The following RBM39 variants were observed in gnomAD, a reference collection of about 807,000 sequenced individuals.
RBM39 encodes the protein RNA binding motif protein 39.
In RBM39, 12 loss-of-function variants were observed where a neutral mutation model predicts 79.6. That is an observed-to-expected ratio of 0.15 (90% CI 0.10 to 0.24). The LOEUF is 0.24. Ranked by LOEUF, RBM39 falls within the 10% of genes least tolerant of loss-of-function variation. RBM39 has a pLI of 1.00. For synonymous variants in RBM39, 185 were observed against 208.4 expected, an observed-to-expected ratio of 0.89 and a Z score of 0.97; for missense variants, 243 against 653.4, an observed-to-expected ratio of 0.37 and a Z score of 6.85.
Position 35,703,439 on chromosome 20 carries a change from G to C in RBM39, c.*1042C>G, listed in dbSNP as rs2035387302. 6.6e-6 allele frequency: 1 copy of C among 152,082 alleles called. No homozygotes were observed. 9.4% of individuals were successfully genotyped at this position (152,082 alleles called of 1,614,324 possible). On this transcript the variant is annotated 3_prime_UTR_variant, in exon 17 of 17. Transcript: ENST00000253363. ...TTGATACATTCTTCTAAAATACACA[G>C]GGCTAGACTCTAATAGAATAAAGGA...
At chr20:35,725,533 G>A (rs1383798449) in intron 6 of RBM39, among the ~76,000 whole-genome samples, 1 of 152,114 alleles carries the variant, frequency 6.6e-6, no homozygotes, top group Non-Finnish European at 1.5e-5. Flanking sequence ...CGCCTGCCTT[G>A]GCCTCCCAAA....
intron 4 of RBM39, 118 bp downstream of exon 4, chr20:35,731,823 A>T: frequency 1.0e-6 from 1 of 955,846 alleles, no homozygotes; most frequent in Non-Finnish European, 1.6e-6. Flanking sequence ...TTAATTCAAT[A>T]CTTTTTAACC....
At chr20:35,709,486 CTAG>C (rs2036139144) in intron 12 of RBM39, among the ~76,000 whole-genome samples, 1 of 152,026 alleles carries the variant, frequency 6.6e-6, no homozygotes, top group Admixed American at 6.6e-5. Flanking sequence ...CTCTCTCTTC[CTAG>C]ACTAGACTAC....
intron 10 of RBM39, 119 bp from the exon 11 acceptor site, chr20:35,714,508 A>C (rs1339340145): frequency 7.5e-7 from 1 of 1,336,322 alleles, no homozygotes; most frequent in African/African-American, 1.5e-5. Flanking sequence ...ATACTAAGGT[A>C]GAAACTGCAA....
At chr20:35,707,291 C>T in intron 13 of RBM39, 90 bp from the exon 14 acceptor site, 7 of 738,468 alleles carry the variant, frequency 9.5e-6, no homozygotes, top group East Asian at 6.0e-5. Flanking sequence ...AAACCCACCC[C>T]AAGCATGTAA....
chr20:35,741,267 C>G (rs1461353478), intron 1 of RBM39, among the ~76,000 whole-genome samples: 2 of 151,716 alleles, frequency 1.3e-5, no homozygotes, highest in African/African-American at 2.4e-5. Context: ...CTCCTAACCT[C>G]AAGTGATCCG....
chr20:35,706,466 C>T (rs1326666036), intron 14 of RBM39, among the ~76,000 whole-genome samples: 1 of 152,132 alleles, frequency 6.6e-6, no homozygotes, highest in African/African-American at 2.4e-5. Context: ...TTGGATGAAA[C>T]AGTCATACAA....
chr20:35,707,739 T>G (rs2035917806), intron 13 of RBM39: 6 of 247,504 alleles, frequency 2.4e-5, no homozygotes, highest in South Asian at 2.3e-4. Flanking sequence ...CTATTAAAAA[T>G]AAATCCTATT....
intron 3 of RBM39, chr20:35,734,777 C>T (rs1377576274): frequency 3.1e-5 from 41 of 1,312,398 alleles, no homozygotes; most frequent in Non-Finnish European, 3.8e-5. Context: ...GCATAAAAGC[C>T]CAGAGAAAAC....
intron 11 of RBM39, 29 bp downstream of exon 11, chr20:35,714,156 A>C: frequency 1.2e-6 from 2 of 1,600,462 alleles, no homozygotes; most frequent in Non-Finnish European, 1.7e-6. Context: ...ACCCACAGTA[A>C]ATCATTCGTA....
rs1462015132 is a variant in RBM39 at position 35,739,489 on chromosome 20, T to C, written c.52-472A>G. 14 of 471,080 alleles carry C rather than the reference T, an allele frequency of 3.0e-5. No individual in the cohort carries two copies. In the Admixed American group the frequency reaches 3.3e-4, roughly 11 times the overall value. 29.2% of individuals were successfully genotyped at this position (471,080 alleles called of 1,614,324 possible). A position where few individuals can be genotyped will look rare whatever the true frequency, so the allele number is the denominator to read the frequency against. Reference sequence around the variant, plus strand: ...ATGCCATTCCTGAGATCTTCGCCCATTTCCGTTGGAGGGTTGGGACTGTAA... The same window carrying C: ...ATGCCATTCCTGAGATCTTCGCCCACTTCCGTTGGAGGGTTGGGACTGTAA... On this transcript the variant is annotated intron_variant, in intron 2 of 16. Coordinates refer to ENST00000253363, the MANE Select transcript of RBM39 (RefSeq NM_184234.3).
chr20:35,741,484 T>A (rs943631639), intron 1 of RBM39: 1 of 152,376 alleles, frequency 6.6e-6, no homozygotes, highest in African/African-American at 2.4e-5. Context: ...AAAACGCCTC[T>A]TACACGAAAC....
intron 14 of RBM39, among the ~76,000 whole-genome samples, chr20:35,706,105 G>A (rs1028065270): frequency 6.6e-6 from 1 of 152,186 alleles, no homozygotes; most frequent in African/African-American, 2.4e-5. Flanking sequence ...TTCGGATGCT[G>A]AAGCGAGCAG....
At chr20:35,705,168 G>A (rs759227286) in intron 15 of RBM39, 57 bp downstream of exon 15, 37 of 1,028,088 alleles carry the variant, frequency 3.6e-5, no homozygotes, top group African/African-American at 1.8e-4. Flanking sequence ...CATAATGTGC[G>A]AAGATTAAGG....
intron 6 of RBM39, 98 bp downstream of exon 6, chr20:35,729,214 A>AT (rs1174645382): frequency 8.9e-7 from 1 of 1,120,780 alleles, no homozygotes; most frequent in African/African-American, 1.6e-5. Flanking sequence ...CAAAAGCAAG[A>AT]TTTAATATGG....
At chr20:35,737,389 CA>C (rs58047560) in intron 3 of RBM39, among the ~76,000 whole-genome samples, 16,408 of 62,256 alleles carry the variant, frequency 0.26, 1,108 homozygotes, top group African/African-American at 0.36. Context: ...AACTCCATCT[CA>C]AAAAAAAAAA....
At chr20:35,705,468 GC>G (rs1224334284) in intron 14 of RBM39, 138 bp from the exon 15 acceptor site, 2 of 579,360 alleles carry the variant, frequency 3.5e-6, no homozygotes, top group Non-Finnish European at 5.8e-6. Context: ...GAACGTCTCT[GC>G]CCCAAAGAAC....
At chr20:35,734,091 G>C in intron 3 of RBM39, 1 of 484,676 alleles carries the variant, frequency 2.1e-6, no homozygotes, top group Non-Finnish European at 3.3e-6. Flanking sequence ...TCAAAGCAAA[G>C]TTACATATCA....
chr20:35,708,888 C>G (rs980016656), intron 13 of RBM39: 1 of 205,482 alleles, frequency 4.9e-6, no homozygotes, highest in East Asian at 1.3e-4. Context: ...CTTGCCTACT[C>G]GTTAATAAGA....
Sources: allele counts gnomAD v4.1 joint callset (sites outside exome capture counted in the v4.1 genomes callset), GRCh38; gene constraint gnomAD v4.1.1; transcripts MANE v1.5; gene names NCBI Gene and HGNC (gene_info 2026-07-23, HGNC 2026-07-21).